LRMDA: variants seen among roughly 807,000 people sequenced by gnomAD.
LRMDA encodes the protein leucine rich melanocyte differentiation associated, also known as leucine-rich melanocyte differentiation-associated protein.
In LRMDA, 18 loss-of-function variants were observed where a neutral mutation model predicts 29.8. That is an observed-to-expected ratio of 0.60 (90% confidence interval 0.42 to 0.90). The LOEUF (loss-of-function observed/expected upper bound fraction) is 0.90, where lower values mean the gene tolerates loss of function less well. Among genes scored for constraint, LRMDA ranks in the 40% least tolerant of loss-of-function variants. The pLI is 0.00. For synonymous variants in LRMDA, 125 were observed against 109.4 expected (o/e 1.14, Z -0.89); for missense variants, 273 against 273.9 (o/e 1.00, Z 0.02).
At chr10:76,245,835 A>G (rs1198706361) in intron 5 of LRMDA, among the ~76,000 whole-genome samples, 1 of 152,218 alleles carries the variant, frequency 6.6e-6, no homozygotes, top group Non-Finnish European at 1.5e-5. Flanking sequence ...GGATGGGGAT[A>G]AAGACAACTA....
intron 3 of LRMDA, among the ~76,000 whole-genome samples, chr10:76,044,637 C>T (rs1848399126): frequency 6.6e-6 from 1 of 152,002 alleles, no homozygotes; most frequent in African/African-American, 2.4e-5. Flanking sequence ...GATTCCTGGC[C>T]ACCCACCCCT....
At chr10:75,998,195 AC>A (rs1847504440) in intron 2 of LRMDA, among the ~76,000 whole-genome samples, 1 of 151,806 alleles carries the variant, frequency 6.6e-6, no homozygotes, top group Admixed American at 6.6e-5. Context: ...TGCATGACAA[AC>A]CTCTAGTCTG....
chr10:76,258,695 G>A (rs1368286389), intron 5 of LRMDA, among the ~76,000 whole-genome samples: 1 of 151,960 alleles, frequency 6.6e-6, no homozygotes, highest in Non-Finnish European at 1.5e-5. Flanking sequence ...TCCACAATAT[G>A]AGTGAGAACA....
intron 2 of LRMDA, among the ~76,000 whole-genome samples, chr10:75,581,996 C>T (rs1293632918): frequency 1.3e-5 from 2 of 152,234 alleles, no homozygotes; most frequent in African/African-American, 4.8e-5. Context: ...CCAGGACACA[C>T]TGATGTGAGG....
chr10:76,044,998 T>TCTCCCCTCTC (rs1277738962), intron 3 of LRMDA, among the ~76,000 whole-genome samples: 55 of 150,224 alleles, frequency 3.7e-4, no homozygotes, highest in African/African-American at 1.2e-3. Context: ...CTTGCTAGTT[T>TCTCCCCTCTC]TTCCCCTCTC....
Position 75,633,215 on chromosome 10 carries a change from A to G in LRMDA, c.131+194721A>G, listed in dbSNP as rs544512606. ...CTGGTTCTTTCTCTCTAGTGGCCACAAACCTTATGGCGTAACTTTCTAAAT... is the reference window on the plus strand; with the variant it reads ...CTGGTTCTTTCTCTCTAGTGGCCACGAACCTTATGGCGTAACTTTCTAAAT... On this transcript the variant is annotated intron_variant, in intron 2 of 6. Coordinates refer to ENST00000611255, the MANE Select transcript of LRMDA (RefSeq NM_001305581.2). Among the ~76,000 whole-genome samples the G allele has an allele frequency of 2.3e-4, 35 of 152,330 alleles. No individual in the cohort carries two copies. In the South Asian group the frequency reaches 4.1e-3, roughly 18 times the overall value.
At chr10:75,518,708 C>A (rs1845323794) in intron 2 of LRMDA, among the ~76,000 whole-genome samples, 1 of 152,060 alleles carries the variant, frequency 6.6e-6, no homozygotes. Flanking sequence ...TCCTTCAGTT[C>A]TGCTCTGATC....
chr10:76,387,559 T>C (rs974954808), intron 6 of LRMDA, among the ~76,000 whole-genome samples: 4 of 151,350 alleles, frequency 2.6e-5, no homozygotes, highest in African/African-American at 9.7e-5. Flanking sequence ...GGTATGATCA[T>C]GCCGCTGCAC....
intron 2 of LRMDA, among the ~76,000 whole-genome samples, chr10:75,471,435 A>T (rs1175705985): frequency 6.6e-6 from 1 of 151,942 alleles, no homozygotes; most frequent in Admixed American, 6.6e-5. Flanking sequence ...ACCCTAAGGG[A>T]TTGTTTCTGC....
At chr10:76,134,345 C>T (rs1850055512) in intron 5 of LRMDA, among the ~76,000 whole-genome samples, 2 of 152,176 alleles carry the variant, frequency 1.3e-5, no homozygotes, top group African/African-American at 4.8e-5. Flanking sequence ...GAATGAGACC[C>T]AAATGTTTTT....
At chr10:76,262,846 C>T (rs1839960901) in intron 5 of LRMDA, among the ~76,000 whole-genome samples, 1 of 152,230 alleles carries the variant, frequency 6.6e-6, no homozygotes, top group Non-Finnish European at 1.5e-5. Context: ...ACTCTGTTTC[C>T]ACAGCTGGCT....
intron 6 of LRMDA, among the ~76,000 whole-genome samples, chr10:76,366,981 G>C (rs1287751763): frequency 1.3e-5 from 2 of 152,122 alleles, no homozygotes; most frequent in Non-Finnish European, 2.9e-5. Context: ...GGGTTTTGTT[G>C]AGTGCTTTTT....
chr10:76,127,571 GT>G (rs34557655), intron 5 of LRMDA, among the ~76,000 whole-genome samples: 120,768 of 147,214 alleles, frequency 0.82, 49,586 homozygotes, highest in East Asian at 0.92. Context: ...AGAGTGCAGA[GT>G]TTTTTTTTTT....
At chr10:75,553,368 C>T (rs888132670) in intron 2 of LRMDA, among the ~76,000 whole-genome samples, 1 of 152,224 alleles carries the variant, frequency 6.6e-6, no homozygotes, top group Non-Finnish European at 1.5e-5. Context: ...TCCATTTCAT[C>T]CTCAGCTTTC....
At chr10:75,438,573 G>C in intron 2 of LRMDA, 79 bp downstream of exon 2, 1 of 1,114,298 alleles carries the variant, frequency 9.0e-7, no homozygotes, top group Non-Finnish European at 1.3e-6. Context: ...GCAGATAAAA[G>C]TCAAATGTTC....
At chr10:76,268,397 C>T (rs887132319) in intron 5 of LRMDA, among the ~76,000 whole-genome samples, 5 of 152,224 alleles carry the variant, frequency 3.3e-5, no homozygotes, top group Non-Finnish European at 7.3e-5. Flanking sequence ...TGTGCTTCTG[C>T]ACTTGCCCTC....
chr10:76,376,736 AT>A (rs1442994238), intron 6 of LRMDA, among the ~76,000 whole-genome samples: 1 of 151,728 alleles, frequency 6.6e-6, no homozygotes, highest in Admixed American at 6.6e-5. Flanking sequence ...CATCTGTTGT[AT>A]TTTGACTTTT....
chr10:76,323,378 T>C lies in LRMDA; in HGVS notation c.517-1023T>C, dbSNP rs898203265. On this transcript the variant is annotated intron_variant, in intron 5 of 6. Coordinates refer to ENST00000611255, the MANE Select transcript of LRMDA (RefSeq NM_001305581.2). ...CTTTTAGAAGGGCAAATATATCCCA[T>C]AGAATGTATTTCCCGCTCCGGAAAG... is the stretch of plus-strand genomic sequence containing the variant. 3.9e-5 allele frequency among the ~76,000 whole-genome samples: 6 copies of C among 152,154 alleles called. No homozygotes were observed. The East Asian group carries it at 5.8e-4, about 15-fold the overall frequency.
chr10:76,319,637 A>T lies in LRMDA; in HGVS notation c.517-4764A>T, dbSNP rs540225157. On this transcript the variant is annotated intron_variant, in intron 5 of 6. Coordinates refer to ENST00000611255, the MANE Select transcript of LRMDA (RefSeq NM_001305581.2). ...GTGGTTATTAAATACTTGATAACTA[A>T]ATGAGTGATGCTTTTTCTTATGAGA... is the stretch of plus-strand genomic sequence containing the variant. 9.2e-5 allele frequency among the ~76,000 whole-genome samples: 14 copies of T among 152,312 alleles called. 1 individual carries two copies. In the South Asian group the frequency reaches 2.7e-3, roughly 29 times the overall value.
Sources: allele counts gnomAD v4.1 joint callset (sites outside exome capture counted in the v4.1 genomes callset), GRCh38; gene constraint gnomAD v4.1.1; transcripts MANE v1.5; gene names NCBI Gene and HGNC (gene_info 2026-07-23, HGNC 2026-07-21).